GPATCH8: variants seen among roughly 807,000 people sequenced by gnomAD.
GPATCH8 encodes G-patch domain containing 8, also known as G patch domain-containing protein 8.
GPATCH8 carries 18 observed loss-of-function variants against 118.3 expected under a neutral mutation model. The observed-to-expected ratio is 0.15, with a 90% CI of 0.11 to 0.23. The LOEUF is 0.23. Ranked by LOEUF, GPATCH8 falls within the 10% of genes least tolerant of loss-of-function variation. The probability of loss-of-function intolerance (pLI) is 1.00; values close to 1 mark genes in which losing one functional copy is unlikely to be tolerated. For missense variants in GPATCH8, 1,631 were observed against 1,873.8 expected, an observed-to-expected ratio of 0.87 and a Z score of 2.39; for synonymous variants, 659 against 684.7, an observed-to-expected ratio of 0.96 and a Z score of 0.59.
intron 3 of GPATCH8, among the ~76,000 whole-genome samples, chr17:44,455,878 G>A (rs1010506120): frequency 6.6e-6 from 1 of 152,062 alleles, no homozygotes; most frequent in African/African-American, 2.4e-5. Flanking sequence ...CTCCCGAGTA[G>A]CTGGGATTAC....
chr17:44,436,758 G>A, intron 3 of GPATCH8: 3 of 584,110 alleles, frequency 5.1e-6, no homozygotes, highest in South Asian at 4.1e-5. Context: ...GTCCAGTTGG[G>A]ATTAATTTCA....
At position 44,470,513 on chromosome 17, in the gene GPATCH8, TTGA is replaced by T. The variant is rs1288328067; in HGVS notation, c.120+4313_120+4315del. Among the ~76,000 whole-genome samples the T allele has an allele frequency of 6.7e-5, 10 of 149,844 alleles. 1 individual carries two copies. The highest frequency in any genetic ancestry group is 1.5e-4 in the Non-Finnish European group (10 of 67,446). On this transcript the variant is annotated intron_variant, in intron 2 of 7. Transcript: ENST00000591680. Reference sequence around the variant, plus strand: ...CCAGCGCTTTTTTTTTTTTTTTTTTTTGAGACGGAGTCTCGCTCTGTCACCCAG... The same window carrying T: ...CCAGCGCTTTTTTTTTTTTTTTTTTTGACGGAGTCTCGCTCTGTCACCCAG...
At chr17:44,437,252 T>C (rs2050543618) in intron 3 of GPATCH8, among the ~76,000 whole-genome samples, 1 of 152,294 alleles carries the variant, frequency 6.6e-6, no homozygotes, top group East Asian at 1.9e-4. Context: ...TGGTAAGCTG[T>C]GAAAAGGACT....
intron 7 of GPATCH8, among the ~76,000 whole-genome samples, chr17:44,402,842 A>G (rs1352066893): frequency 6.6e-6 from 1 of 152,174 alleles, no homozygotes; most frequent in Non-Finnish European, 1.5e-5. Flanking sequence ...CTACAGTCAT[A>G]ATGTTACCTG....
intron 6 of GPATCH8, among the ~76,000 whole-genome samples, chr17:44,413,544 C>G (rs12451763): frequency 1.3e-5 from 2 of 151,996 alleles, no homozygotes; most frequent in Admixed American, 1.3e-4. Flanking sequence ...TGCAGTGGCG[C>G]GATCTTGGCT....
chr17:44,487,213 C>T (rs1968854879), intron 1 of GPATCH8, among the ~76,000 whole-genome samples: 3 of 152,148 alleles, frequency 2.0e-5, no homozygotes, highest in African/African-American at 7.2e-5. Context: ...ACTGTTTCTA[C>T]GGTTTTGCCT....
At chr17:44,414,117 G>T (rs921213058) in intron 6 of GPATCH8, among the ~76,000 whole-genome samples, 1 of 138,090 alleles carries the variant, frequency 7.2e-6, no homozygotes, top group African/African-American at 2.9e-5. Flanking sequence ...ATATATATAT[G>T]TATATATATG....
intron 6 of GPATCH8, among the ~76,000 whole-genome samples, chr17:44,418,520 T>C (rs1221626294): frequency 6.6e-6 from 1 of 151,474 alleles, no homozygotes; most frequent in African/African-American, 2.4e-5. Context: ...AGTGGCATGA[T>C]CTTGGCTCAC....
At chr17:44,408,773 T>C (rs764841832) in intron 6 of GPATCH8, among the ~76,000 whole-genome samples, 16 of 152,042 alleles carry the variant, frequency 1.1e-4, no homozygotes, top group Non-Finnish European at 1.9e-4. Context: ...ACCACAGGAA[T>C]ATGGTTGGAG....
At chr17:44,457,945 C>T (rs1415473740) in intron 3 of GPATCH8, among the ~76,000 whole-genome samples, 1 of 152,016 alleles carries the variant, frequency 6.6e-6, no homozygotes. Flanking sequence ...ATTAGCCAGA[C>T]ACGGTGGCAG....
intron 3 of GPATCH8, among the ~76,000 whole-genome samples, chr17:44,437,565 T>TAC (rs1437433512): frequency 6.6e-6 from 1 of 151,978 alleles, no homozygotes; most frequent in Non-Finnish European, 1.5e-5. Flanking sequence ...GTTGTTGTTA[T>TAC]ACACACACAC....
chr17:44,453,873 T>C (rs542642678), intron 3 of GPATCH8, among the ~76,000 whole-genome samples: 2 of 152,020 alleles, frequency 1.3e-5, no homozygotes, highest in Non-Finnish European at 2.9e-5. Flanking sequence ...CCTAGAACTC[T>C]GCTTCAATCA....
At chr17:44,485,778 G>A (rs1306869623) in intron 1 of GPATCH8, among the ~76,000 whole-genome samples, 2 of 152,116 alleles carry the variant, frequency 1.3e-5, no homozygotes, top group Non-Finnish European at 2.9e-5. Context: ...TATGGTACTT[G>A]TACTGTGACT....
intron 3 of GPATCH8, among the ~76,000 whole-genome samples, chr17:44,444,087 T>C (rs1374834629): frequency 6.6e-6 from 1 of 152,166 alleles, no homozygotes; most frequent in African/African-American, 2.4e-5. Context: ...TTTAATCATA[T>C]AACTAAATAT....
chr17:44,408,672 T>C (rs1170683805), intron 6 of GPATCH8, among the ~76,000 whole-genome samples: 1 of 152,156 alleles, frequency 6.6e-6, no homozygotes, highest in East Asian at 1.9e-4. Flanking sequence ...AAGATTAGGC[T>C]TTCCATTCAG....
intron 1 of GPATCH8, among the ~76,000 whole-genome samples, chr17:44,502,123 G>GTA (rs1441912632): frequency 2.2e-4 from 34 of 152,234 alleles, no homozygotes; most frequent in Non-Finnish European, 3.7e-4. Flanking sequence ...CTTCTCATAA[G>GTA]CGTTCTATGT....
At chr17:44,464,709 A>G (rs955345004) in intron 2 of GPATCH8, 165 bp from the exon 3 acceptor site, 7 of 635,354 alleles carry the variant, frequency 1.1e-5, no homozygotes, top group African/African-American at 1.8e-5. Context: ...ACATTAATGT[A>G]AAAAGAAAAG....
intron 3 of GPATCH8, among the ~76,000 whole-genome samples, chr17:44,453,446 TATATTA>T (rs2051191965): frequency 6.6e-6 from 1 of 150,924 alleles, no homozygotes; most frequent in Admixed American, 6.7e-5. Flanking sequence ...GATTTGTGCC[TATATTA>T]ATATTTCCCA....
intron 5 of GPATCH8, among the ~76,000 whole-genome samples, chr17:44,424,781 C>T (rs2050032196): frequency 6.6e-6 from 1 of 152,148 alleles, no homozygotes; most frequent in East Asian, 1.9e-4. Flanking sequence ...AAATCTGAAA[C>T]ACCTTTGGTC....
Sources: allele counts gnomAD v4.1 joint callset (sites outside exome capture counted in the v4.1 genomes callset), GRCh38; gene constraint gnomAD v4.1.1; transcripts MANE v1.5; gene names NCBI Gene and HGNC (gene_info 2026-07-23, HGNC 2026-07-21).